The following THADA variants were observed in gnomAD, a reference collection of about 807,000 sequenced individuals.
The protein encoded by THADA is THADA armadillo repeat containing.
A neutral mutation model predicts 219.8 loss-of-function variants in THADA; 213 were observed. That is an observed-to-expected ratio of 0.97 (90% CI 0.87 to 1.09). The LOEUF (loss-of-function observed/expected upper bound fraction) is 1.09, where lower values mean the gene tolerates loss of function less well. Among genes scored for constraint, THADA ranks in the 50% least tolerant of loss-of-function variants. THADA has a pLI of 0.00. For missense variants in THADA, 2,956 were observed against 2,311.3 expected (o/e 1.28, Z -5.72); for synonymous variants, 1,018 against 828.9 (o/e 1.23, Z -3.92).
chr2:43,282,173 C>G (rs1673439362), intron 35 of THADA, among the ~76,000 whole-genome samples: 1 of 152,108 alleles, frequency 6.6e-6, no homozygotes, highest in Admixed American at 6.6e-5. Context: ...TTAAAGTCAC[C>G]CAGAAAATGT....
At chr2:43,574,012 T>A (rs1699572362) in intron 11 of THADA, among the ~76,000 whole-genome samples, 1 of 151,530 alleles carries the variant, frequency 6.6e-6, no homozygotes, top group African/African-American at 2.4e-5. Flanking sequence ...ATAAGCACAT[T>A]ATATAAGACA....
intron 10 of THADA, among the ~76,000 whole-genome samples, chr2:43,575,700 A>C (rs1807866): frequency 0.62 from 93,681 of 151,836 alleles, 30,833 homozygotes; most frequent in African/African-American, 0.85. Context: ...CCATGCCTAG[A>C]TAATTTTTTG....
chr2:43,360,289 G>A (rs1558637587), intron 29 of THADA, among the ~76,000 whole-genome samples: 1 of 152,182 alleles, frequency 6.6e-6, no homozygotes, highest in Non-Finnish European at 1.5e-5. Flanking sequence ...TTGCTGGAGT[G>A]CAAACGTTTG....
intron 29 of THADA, among the ~76,000 whole-genome samples, chr2:43,386,260 A>G (rs1672668895): frequency 6.6e-6 from 1 of 152,228 alleles, no homozygotes; most frequent in Non-Finnish European, 1.5e-5. Context: ...TGATGTAGAA[A>G]AGGCACAAAA....
chr2:43,481,135 C>G (rs945703108), intron 26 of THADA, among the ~76,000 whole-genome samples: 3 of 152,208 alleles, frequency 2.0e-5, no homozygotes, highest in Non-Finnish European at 4.4e-5. Flanking sequence ...GCTTCAAAAT[C>G]TCTCTATAAG....
chr2:43,385,561 C>G (rs1458176925), intron 29 of THADA, among the ~76,000 whole-genome samples: 1 of 127,364 alleles, frequency 7.9e-6, no homozygotes, highest in Non-Finnish European at 1.6e-5. Context: ...GAGCGGAGAT[C>G]AAGCCACTGC....
At chr2:43,292,283 A>G in intron 32 of THADA, 61 bp from the exon 33 acceptor site, 1 of 1,050,016 alleles carries the variant, frequency 9.5e-7, no homozygotes, top group Non-Finnish European at 1.4e-6. Context: ...ATGTCTCTAG[A>G]TGTTACATGA....
chr2:43,345,963 T>C (rs1009159587), intron 29 of THADA, among the ~76,000 whole-genome samples: 6 of 152,186 alleles, frequency 3.9e-5, no homozygotes, highest in African/African-American at 1.4e-4. Context: ...GTAGCTCTGG[T>C]TTATGAAAAT....
intron 28 of THADA, among the ~76,000 whole-genome samples, chr2:43,414,772 T>C (rs1267924905): frequency 6.6e-6 from 1 of 152,204 alleles, no homozygotes; most frequent in East Asian, 1.9e-4. Context: ...AATCTGGCAC[T>C]TTATCAGCAG....
At position 43,573,001 on chromosome 2, in the gene THADA, A is replaced by T; in HGVS notation, c.1730-9T>A. ...GAAAGATTGCTCTTGTCCTGAAAGC[A>T]CAATAACAAAGACCATTACTGTATT... On this transcript the variant is annotated splice_polypyrimidine_tract_variant and intron_variant, in intron 11 of 37. Transcript: ENST00000405975. The T allele has an allele frequency of 1.2e-6, 2 of 1,611,736 alleles. No homozygotes were observed.
intron 22 of THADA, among the ~76,000 whole-genome samples, chr2:43,522,115 A>C (rs985578078): frequency 1.3e-5 from 2 of 152,170 alleles, no homozygotes; most frequent in African/African-American, 4.8e-5. Context: ...TATTATTTCA[A>C]AGTTCATGTT....
intron 15 of THADA, chr2:43,564,513 A>C (rs1698443842): frequency 6.6e-6 from 1 of 152,216 alleles, no homozygotes; most frequent in South Asian, 2.1e-4. Flanking sequence ...GATACTTGTG[A>C]TGACATTTTT....
chr2:43,484,196 G>A (rs536321968), intron 26 of THADA: 44 of 158,954 alleles, frequency 2.8e-4, no homozygotes, highest in African/African-American at 4.8e-5. Context: ...GAATGTTACA[G>A]GGTGACAAGA....
At chr2:43,374,455 T>C (rs1671151829) in intron 29 of THADA, among the ~76,000 whole-genome samples, 1 of 152,202 alleles carries the variant, frequency 6.6e-6, no homozygotes, top group South Asian at 2.1e-4. Flanking sequence ...TCTAAGTGTT[T>C]GACCCAGAGT....
At chr2:43,516,026 T>C (rs567052327) in intron 22 of THADA, among the ~76,000 whole-genome samples, 3 of 152,270 alleles carry the variant, frequency 2.0e-5, no homozygotes, top group South Asian at 2.1e-4. Flanking sequence ...TTTGTAGTTA[T>C]GCTCTCTCTC....
At chr2:43,459,993 T>C (rs2104924895) in intron 26 of THADA, among the ~76,000 whole-genome samples, 1 of 152,090 alleles carries the variant, frequency 6.6e-6, no homozygotes, top group South Asian at 2.1e-4. Flanking sequence ...CACATAAAAT[T>C]AAAAGAAAGC....
intron 36 of THADA, among the ~76,000 whole-genome samples, chr2:43,240,512 C>A (rs947185770): frequency 2.0e-5 from 3 of 152,208 alleles, no homozygotes; most frequent in African/African-American, 7.2e-5. Context: ...CTCTCAGTCC[C>A]CTACCTCCCC....
chr2:43,578,672 C>A, intron 8 of THADA, 65 bp from the exon 9 acceptor site: 2 of 1,228,642 alleles, frequency 1.6e-6, no homozygotes, highest in Non-Finnish European at 2.3e-6. Flanking sequence ...GTGGAAAGAG[C>A]AGATGCTGAG....
chr2:43,341,821 G>A (rs1274141699), intron 30 of THADA, among the ~76,000 whole-genome samples: 2 of 152,176 alleles, frequency 1.3e-5, no homozygotes, highest in East Asian at 1.9e-4. Flanking sequence ...GATGTGATAT[G>A]TATCTTTGGG....
Sources: allele counts gnomAD v4.1 joint callset (sites outside exome capture counted in the v4.1 genomes callset), GRCh38; gene constraint gnomAD v4.1.1; transcripts MANE v1.5; gene names NCBI Gene and HGNC (gene_info 2026-07-23, HGNC 2026-07-21).